The following RNF19A variants were observed in gnomAD, a reference collection of about 807,000 sequenced individuals.
RNF19A encodes the protein ring finger protein 19A, RBR E3 ubiquitin protein ligase, also known as E3 ubiquitin-protein ligase RNF19A.
Under a neutral mutation model 75.7 loss-of-function variants are expected in RNF19A, and 32 were observed. The ratio of observed to expected loss-of-function variants is 0.42; its 90% CI spans 0.32 to 0.57. RNF19A has a LOEUF of 0.57. Among genes scored for constraint, RNF19A ranks in the 20% least tolerant of loss-of-function variants. The pLI, the probability that RNF19A is intolerant of heterozygous loss-of-function variation, is 0.10. For synonymous variants in RNF19A, 335 were observed against 345.2 expected (o/e 0.97, Z 0.33); for missense variants, 782 against 1,036.3 (o/e 0.75, Z 3.37).
chr8:100,270,496 A>G (rs1820205034), intron 3 of RNF19A, among the ~76,000 whole-genome samples: 1 of 152,130 alleles, frequency 6.6e-6, no homozygotes, highest in African/African-American at 2.4e-5. Context: ...CTATATCCAA[A>G]GCACTATGAA....
Position 100,330,526 on chromosome 8 carries a change from T to C in RNF19A, c.-243+5582A>G, listed in dbSNP as rs1404175282. ...TATTAGGAACTGTTGGGGACACTTA[T>C]GTGTTAATTGCAAAGCTGGAGTTGC... On this transcript the variant is annotated intron_variant, in intron 1 of 3. Transcript: ENST00000519527. This position sits in a 1 kb window ranked among gnomAD's most constrained non-coding sequence, Gnocchi z 4.1. Among the ~76,000 whole-genome samples the C allele has an allele frequency of 3.3e-5, 5 of 152,198 alleles. No individual in the cohort carries two copies. Among genetic ancestry groups the C allele is most frequent in the Non-Finnish European group, 5.9e-5 (4 of 68,030 alleles).
chr8:100,279,644 C>A (rs1028502020), intron 2 of RNF19A, among the ~76,000 whole-genome samples: 19 of 152,308 alleles, frequency 1.2e-4, no homozygotes, highest in South Asian at 8.3e-4. Flanking sequence ...CGTCCGCCTC[C>A]CAGGTTCAAG....
At position 100,331,865 on chromosome 8, in the gene RNF19A, C is replaced by T. The variant is rs955328837; in HGVS notation, c.-243+4243G>A. Among the ~76,000 whole-genome samples the T allele has an allele frequency of 1.2e-4, 18 of 152,158 alleles. No homozygotes were observed. Among genetic ancestry groups the T allele is most frequent in the African/African-American group, 3.4e-4 (14 of 41,432 alleles). ...CCTACCTCTCTTACACAGTACTAAC[C>T]TTTGCACCCTGCTTTTTTACTCAAG... On this transcript the variant is annotated intron_variant, in intron 1 of 3. Transcript: ENST00000519527. This position sits in a 1 kb window ranked among gnomAD's most constrained non-coding sequence, Gnocchi z 5.2.
At chr8:100,303,603 C>A (rs546353961) in intron 1 of RNF19A, among the ~76,000 whole-genome samples, 1 of 152,038 alleles carries the variant, frequency 6.6e-6, no homozygotes, top group Admixed American at 6.6e-5. Flanking sequence ...ATGCAAAAAT[C>A]TAAAGGATAT....
chr8:100,259,353 G>A lies in RNF19A; in HGVS notation c.1827-107C>T, dbSNP rs1006936891. On this transcript the variant is annotated intron_variant, in intron 9 of 9. Transcript: ENST00000341084. This position sits in a 1 kb window ranked among gnomAD's most constrained non-coding sequence, Gnocchi z 4.5. Reference sequence around the variant, plus strand: ...AAAATTCAGACTATATATAAGCTATGAGAACACCTTAACGCAGAACACGTT... The same window carrying A: ...AAAATTCAGACTATATATAAGCTATAAGAACACCTTAACGCAGAACACGTT... The A allele has an allele frequency of 2.4e-6, 2 of 820,264 alleles. No individual in the cohort carries two copies. The highest frequency in any genetic ancestry group is 3.9e-6 in the Non-Finnish European group (2 of 517,128). The allele number at this position is 820,264 out of a possible 1,614,324, so 50.8% of individuals were successfully genotyped here. A position where few individuals can be genotyped will look rare whatever the true frequency, so the allele number is the denominator to read the frequency against.
intron 2 of RNF19A, among the ~76,000 whole-genome samples, chr8:100,279,344 CATTTAAT>C (rs1282948785): frequency 6.6e-6 from 1 of 151,992 alleles, no homozygotes; most frequent in Non-Finnish European, 1.5e-5. Context: ...CCACGTCAAA[CATTTAAT>C]ATTTGATTGC....
At chr8:100,263,048 G>A (rs1819799352) in intron 7 of RNF19A, among the ~76,000 whole-genome samples, 1 of 152,184 alleles carries the variant, frequency 6.6e-6, no homozygotes, top group African/African-American at 2.4e-5. Flanking sequence ...ATTCTTGTTA[G>A]ACACTCAAGT....
At position 100,259,158 on chromosome 8, in the gene RNF19A, C is replaced by T. The variant is rs1236569888; in HGVS notation, c.1915G>A (p.Gly639Ser). The change falls in exon 10 of 10, where the codon GGC (glycine) becomes AGC (serine). Residue 639 changes from glycine (G) to serine (S), a missense_variant. Physicochemically the swap from Gly to Ser is moderately conservative, Grantham distance 56. This residue lies in a region of RNF19A where 442 missense variants were observed against 541.6 expected (regional missense o/e 0.82). Coordinates refer to ENST00000341084, the MANE Select transcript of RNF19A (RefSeq NM_183419.4). The surrounding 1 kb of genome is among the most constrained non-coding windows in gnomAD (Gnocchi z 4.5). ...HNSGSSSVDDGSATRSHAGGS... is the reference protein window; with the variant it reads ...HNSGSSSVDDSSATRSHAGGS... ...CCAGCATGACTTCGGGTGGCACTGC[C>T]ATCATCCACACTACTGCTTCCACTG... The T allele has an allele frequency of 6.2e-7, 1 of 1,614,146 alleles. No individual in the cohort carries two copies. Among genetic ancestry groups the T allele is most frequent in the South Asian group, 1.1e-5 (1 of 91,076 alleles).
At chr8:100,292,100 A>G (rs1214666054) in intron 1 of RNF19A, among the ~76,000 whole-genome samples, 1 of 152,056 alleles carries the variant, frequency 6.6e-6, no homozygotes, top group Non-Finnish European at 1.5e-5. Context: ...AACTGTCAAT[A>G]AAGAAGACAA....
Position 100,287,817 on chromosome 8 carries a change from T to C in RNF19A, c.358A>G (p.Thr120Ala), listed in dbSNP as rs778561719. The C allele has an allele frequency of 1.1e-5, 18 of 1,614,038 alleles. No individual in the cohort carries two copies. Among genetic ancestry groups the C allele is most frequent in the African/African-American group, 1.3e-5 (1 of 74,948 alleles). The change falls in exon 2 of 10, where the codon ACT becomes GCT. Residue 120 changes from threonine (T) to alanine (A), a missense_variant. By Grantham distance (58) the Thr-to-Ala change is moderately conservative. Around this residue, in one of 7 missense-constraint regions of RNF19A, gnomAD observed 148 missense variants for 147.9 expected, o/e 1.00. Coordinates refer to ENST00000341084, the MANE Select transcript of RNF19A (RefSeq NM_183419.4). This position sits in a 1 kb window ranked among gnomAD's most constrained non-coding sequence, Gnocchi z 4.1. ...TCTCCAATTTGTTTGCTGATGGAAG[T>C]TAATCCATTGTCAGAAGAGGTATTT... is the stretch of plus-strand genomic sequence containing the variant. The part of the protein sequence containing the change: ...STNTSSDNGL[T>A]SISKQIGDFI...
Position 100,258,840 on chromosome 8 carries a change from G to C in RNF19A, c.2233C>G (p.His745Asp). The C allele has an allele frequency of 6.2e-7, 1 of 1,614,084 alleles. No homozygotes were observed. Among genetic ancestry groups the C allele is most frequent in the Non-Finnish European group, 8.5e-7 (1 of 1,180,016 alleles). Residue 745 changes from histidine to aspartate, a missense_variant, in exon 10 of 10, where the codon CAT (histidine) becomes GAT (aspartate). Transcript: ENST00000341084. This position sits in a 1 kb window ranked among gnomAD's most constrained non-coding sequence, Gnocchi z 4.3. ...DLESMKTSCS[H>D]GSSDYHTRFA... ...CGGGTGTGATAATCACTGGAACCAT[G>C]ACTACAAGAAGTTTTCATGCTTTCT...
intron 2 of RNF19A, among the ~76,000 whole-genome samples, chr8:100,280,843 T>C (rs1049066902): frequency 2.0e-5 from 3 of 152,234 alleles, no homozygotes; most frequent in Admixed American, 1.3e-4. Context: ...TGACGTTCCT[T>C]TTGTGGGAGC....
At chr8:100,293,220 C>A (rs1479755598) in intron 1 of RNF19A, among the ~76,000 whole-genome samples, 1 of 152,196 alleles carries the variant, frequency 6.6e-6, no homozygotes, top group African/African-American at 2.4e-5. Flanking sequence ...TCTTGTGGAT[C>A]CACTTTTCAT....
At chr8:100,276,717 C>G (rs1405597505) in intron 2 of RNF19A, among the ~76,000 whole-genome samples, 5 of 132,678 alleles carry the variant, frequency 3.8e-5, no homozygotes, top group Non-Finnish European at 7.7e-5. Flanking sequence ...GATCACACCA[C>G]TGTACCAAAA....
Position 100,259,282 on chromosome 8 carries a change from C to A in RNF19A, c.1827-36G>T. ...AGAGTAACAAATACAAACATAATTG[C>A]TGACTTCTTTTTGTTCAGATGACTG... On this transcript the variant is annotated intron_variant, in intron 9 of 9. Transcript: ENST00000341084. This position sits in a 1 kb window ranked among gnomAD's most constrained non-coding sequence, Gnocchi z 4.5. The A allele has an allele frequency of 6.5e-7, 1 of 1,531,080 alleles. No individual in the cohort carries two copies. The highest frequency in any genetic ancestry group is 8.9e-7 in the Non-Finnish European group (1 of 1,127,464). The allele number at this position is 1,531,080 out of a possible 1,614,324, so 94.8% of individuals were successfully genotyped here.
At chr8:100,270,330 T>G (rs757688027) in intron 3 of RNF19A, among the ~76,000 whole-genome samples, 22 of 152,240 alleles carry the variant, frequency 1.4e-4, no homozygotes, top group Non-Finnish European at 2.9e-4. Context: ...AAAGTTTGTC[T>G]TTGTCCTGGT....
chr8:100,291,754 C>T (rs1661500476), intron 1 of RNF19A, among the ~76,000 whole-genome samples: 1 of 152,204 alleles, frequency 6.6e-6, no homozygotes, highest in African/African-American at 2.4e-5. Flanking sequence ...TCTTCTGTCA[C>T]TTCTCAAACA....
intron 1 of RNF19A, among the ~76,000 whole-genome samples, chr8:100,299,479 A>C (rs1821721313): frequency 6.6e-6 from 1 of 152,138 alleles, no homozygotes; most frequent in Non-Finnish European, 1.5e-5. Flanking sequence ...AAGTGTTTGG[A>C]CCGGGTGCGG....
Position 100,258,181 on chromosome 8 carries a change from T to G in RNF19A, c.*375A>C, listed in dbSNP as rs1004206689. ...TTTCAATAAAATATCACTAACCACT[T>G]ATCCCTAAAGCCTCAAGTTTTCTTC... On this transcript the variant is annotated 3_prime_UTR_variant, in exon 10 of 10. Coordinates refer to ENST00000341084, the MANE Select transcript of RNF19A (RefSeq NM_183419.4). This position sits in a 1 kb window ranked among gnomAD's most constrained non-coding sequence, Gnocchi z 4.3. The G allele has an allele frequency of 1.2e-5, 5 of 408,398 alleles. No homozygotes were observed. Among genetic ancestry groups the G allele is most frequent in the African/African-American group, 1.0e-4 (5 of 48,642 alleles). The allele number at this position is 408,398 out of a possible 1,614,324, so 25.3% of individuals were successfully genotyped here.
Sources: allele counts gnomAD v4.1 joint callset (sites outside exome capture counted in the v4.1 genomes callset), GRCh38; gene constraint gnomAD v4.1.1; regional missense constraint gnomAD v4.1.1; non-coding constraint Gnocchi (gnomAD v3.1); transcripts MANE v1.5; gene names NCBI Gene and HGNC (gene_info 2026-07-23, HGNC 2026-07-21).